The following NEBL variants were observed in gnomAD, a reference collection of about 807,000 sequenced individuals.
The protein encoded by NEBL is LIM and SH3 protein 2.
A neutral mutation model predicts 140.2 loss-of-function variants in NEBL; 122 were observed. The ratio of observed to expected loss-of-function variants is 0.87; its 90% CI spans 0.75 to 1.01. The LOEUF (loss-of-function observed/expected upper bound fraction) is 1.01, where lower values mean the gene tolerates loss of function less well. Among genes scored for constraint, NEBL ranks in the 50% least tolerant of loss-of-function variants. The probability of loss-of-function intolerance (pLI) is 0.00; values close to 1 mark genes in which losing one functional copy is unlikely to be tolerated. For synonymous variants in NEBL, 436 were observed against 398.9 expected, an observed-to-expected ratio of 1.09 and a Z score of -1.11; for missense variants, 1,365 against 1,231.3, an observed-to-expected ratio of 1.11 and a Z score of -1.62.
chr10:20,923,705 T>G (rs1309493271), intron 4 of NEBL, among the ~76,000 whole-genome samples: 1 of 75,828 alleles, frequency 1.3e-5, no homozygotes, highest in Non-Finnish European at 2.9e-5. Context: ...AAGAAATGGT[T>G]TCTTGACATG....
At chr10:20,858,960 C>G (rs971295951) in intron 8 of NEBL, among the ~76,000 whole-genome samples, 9 of 152,088 alleles carry the variant, frequency 5.9e-5, no homozygotes, top group African/African-American at 2.2e-4. Flanking sequence ...CTTGATAAAA[C>G]AGGATTTAGA....
intron 3 of NEBL, among the ~76,000 whole-genome samples, chr10:21,232,780 T>G (rs527709722): frequency 6.6e-6 from 1 of 152,050 alleles, no homozygotes; most frequent in Non-Finnish European, 1.5e-5. Flanking sequence ...AGCAAAAGAG[T>G]GACATGGTCT....
chr10:21,080,623 C>T (rs956356491), intron 2 of NEBL, among the ~76,000 whole-genome samples: 1 of 152,108 alleles, frequency 6.6e-6, no homozygotes, highest in Non-Finnish European at 1.5e-5. Context: ...ATTTATGCAG[C>T]TCTGGTTGCT....
At position 20,928,366 on chromosome 10, in the gene NEBL, T is replaced by G. The variant is rs76692699; in HGVS notation, c.357+33306A>C. Among the ~76,000 whole-genome samples the G allele has an allele frequency of 2.3e-3, 352 of 152,106 alleles. 12 individuals are homozygous for G. The East Asian group carries it at 0.059, about 25-fold the overall frequency. On this transcript the variant is annotated intron_variant, in intron 4 of 6. Coordinates refer to the NEBL transcript ENST00000417816. ...GTGGCTACCATGCTACACAGCTGAG[T>G]GCTAAGGTAAAAAAATTACTCTGGG...
chr10:20,812,929 A>G lies in NEBL; in HGVS notation c.2358T>C (p.His786=), dbSNP rs1359473218. 1 of 1,613,580 alleles carries G rather than the reference A, an allele frequency of 6.2e-7. No individual in the cohort carries two copies. Among genetic ancestry groups the G allele is most frequent in the Non-Finnish European group, 8.5e-7 (1 of 1,179,778 alleles). ...AQNHISMVKY[H]EDFEKTKGRG... Reference sequence around the variant, plus strand: ...TCCCCTTTGTTTTTTCAAAATCTTCATGGTATTTTACCTGAAAAAGGAAAA... The same window carrying G: ...TCCCCTTTGTTTTTTCAAAATCTTCGTGGTATTTTACCTGAAAAAGGAAAA... The change falls in exon 24 of 28, where the codon CAT becomes CAC. Residue 786 remains histidine, a synonymous_variant. Coordinates refer to ENST00000377122, the MANE Select transcript of NEBL (RefSeq NM_006393.3).
intron 2 of NEBL, chr10:21,113,511 G>A: frequency 4.4e-6 from 1 of 229,240 alleles, no homozygotes; most frequent in Non-Finnish European, 8.6e-6. Flanking sequence ...AGAAAATAGT[G>A]TTAACAGTTT....
At chr10:21,187,967 C>T (rs576954827) in intron 3 of NEBL, among the ~76,000 whole-genome samples, 5 of 152,296 alleles carry the variant, frequency 3.3e-5, no homozygotes, top group Admixed American at 6.5e-5. Context: ...TGTGGGGCTG[C>T]TGTAAAACTA....
At chr10:21,060,363 A>ACAAGGCAC (rs1408495121) in intron 2 of NEBL, among the ~76,000 whole-genome samples, 1 of 152,256 alleles carries the variant, frequency 6.6e-6, no homozygotes, top group Non-Finnish European at 1.5e-5. Flanking sequence ...AAAAGTCATC[A>ACAAGGCAC]CAAGGCACAG....
At chr10:20,810,012 A>G (rs1033690035) in intron 24 of NEBL, 114 bp from the exon 25 acceptor site, 15 of 745,190 alleles carry the variant, frequency 2.0e-5, no homozygotes, top group South Asian at 2.0e-4. Flanking sequence ...AGGAATAGAT[A>G]TAAGAAGCAA....
intron 3 of NEBL, among the ~76,000 whole-genome samples, chr10:21,195,908 C>T (rs1841640434): frequency 6.6e-6 from 1 of 152,162 alleles, no homozygotes; most frequent in African/African-American, 2.4e-5. Context: ...ATTCCCACAA[C>T]CAAAATTAAA....
At position 20,852,550 on chromosome 10, in the gene NEBL, T is replaced by G. The variant is rs771769135; in HGVS notation, c.1003A>C (p.Ser335Arg). ...CCGTACGGGCAAGTGTGTACCTGAC[T>G]TTGGAGGACGGCATTGCCTTTATGG... ...LHHKGNAVLQ[S>R]QVKYKEEYEK... The change falls in exon 10 of 28, where the codon AGT becomes CGT. Residue 335 changes from serine (S) to arginine (R), a missense_variant. Physicochemically the swap from Ser to Arg is moderately radical, Grantham distance 110. This residue lies in a region of NEBL where 1,323 missense variants were observed against 1,154.8 expected (regional missense o/e 1.15). Transcript: ENST00000377122. The G allele has an allele frequency of 6.2e-7, 1 of 1,612,238 alleles. No individual in the cohort carries two copies. Among genetic ancestry groups the G allele is most frequent in the East Asian group, 2.2e-5 (1 of 44,846 alleles).
At chr10:20,896,711 G>A (rs537149363) in intron 2 of NEBL, among the ~76,000 whole-genome samples, 12 of 152,016 alleles carry the variant, frequency 7.9e-5, no homozygotes, top group Admixed American at 4.6e-4. Flanking sequence ...TCATGCCAGC[G>A]TGACAGCAAA....
chr10:21,208,924 C>T (rs1841872245), intron 3 of NEBL, among the ~76,000 whole-genome samples: 1 of 152,208 alleles, frequency 6.6e-6, no homozygotes, highest in Non-Finnish European at 1.5e-5. Flanking sequence ...TAAGTCAAGA[C>T]TGCTCCTGGT....
chr10:21,248,313 A>C (rs1426762532), intron 2 of NEBL, among the ~76,000 whole-genome samples: 3 of 151,540 alleles, frequency 2.0e-5, no homozygotes, highest in African/African-American at 7.3e-5. Context: ...TATTGCTCAT[A>C]CTTTTGAAAC....
At chr10:21,167,608 G>A (rs1004518567) in intron 2 of NEBL, among the ~76,000 whole-genome samples, 3 of 152,122 alleles carry the variant, frequency 2.0e-5, no homozygotes, top group Non-Finnish European at 4.4e-5. Flanking sequence ...AAGAACCGAC[G>A]TATATTTTAA....
intron 2 of NEBL, among the ~76,000 whole-genome samples, chr10:21,034,091 T>C (rs1472680851): frequency 2.2e-5 from 3 of 138,504 alleles, no homozygotes; most frequent in Non-Finnish European, 4.5e-5. Context: ...TGCTTGAGCC[T>C]GGGAGGTTGA....
intron 11 of NEBL, among the ~76,000 whole-genome samples, chr10:20,850,043 G>A (rs1299972122): frequency 2.6e-5 from 4 of 151,994 alleles, no homozygotes; most frequent in African/African-American, 9.7e-5. Flanking sequence ...CCAGCTATTC[G>A]TTTTTAGTTT....
intron 3 of NEBL, among the ~76,000 whole-genome samples, chr10:21,236,804 A>G (rs188809665): frequency 1.3e-5 from 2 of 152,332 alleles, no homozygotes; most frequent in South Asian, 2.1e-4. Context: ...CTCCACTAAC[A>G]ACTACAACAA....
In NEBL at chr10:20,812,784, G is replaced by A. The variant is rs1838292307; in HGVS notation, c.2503C>T (p.Pro835Ser). Residue 835 changes from proline to serine, a missense_variant, in exon 24 of 28, where the codon CCT becomes TCT. Pro to Ser is a moderately conservative substitution (Grantham distance 74, BLOSUM62 -1). Around this residue, in one of 2 missense-constraint regions of NEBL, gnomAD observed 1,323 missense variants for 1,154.8 expected, o/e 1.15. Transcript: ENST00000377122. ...GTCAGCTTACCAACAATGATTCCAGGTCTCCTGTCCATCTCCACGATGTGA... is the reference window on the plus strand; with the variant it reads ...GTCAGCTTACCAACAATGATTCCAGATCTCCTGTCCATCTCCACGATGTGA... ...HPHIVEMDRR[P>S]GIIVDLKVWR... 3.7e-6 allele frequency: 6 copies of A among 1,613,820 alleles called. No individual in the cohort carries two copies. In the East Asian group the frequency reaches 8.9e-5, roughly 24 times the overall value.
Sources: allele counts gnomAD v4.1 joint callset (sites outside exome capture counted in the v4.1 genomes callset), GRCh38; gene constraint gnomAD v4.1.1; regional missense constraint gnomAD v4.1.1; transcripts MANE v1.5; gene names NCBI Gene and HGNC (gene_info 2026-07-23, HGNC 2026-07-21).